The following ZFAT variants were observed in gnomAD, a reference collection of about 807,000 sequenced individuals.
ZFAT encodes the protein zinc finger protein ZFAT.
Under a neutral mutation model 117.7 loss-of-function variants are expected in ZFAT, and 64 were observed. The observed-to-expected ratio is 0.54, with a 90% CI of 0.44 to 0.67. The LOEUF is 0.67. ZFAT is among the 30% of genes least tolerant of loss of function. The pLI is 0.00. For missense variants in ZFAT, 1,433 were observed against 1,584.5 expected (o/e 0.90, Z 1.62); for synonymous variants, 679 against 615.0 (o/e 1.10, Z -1.54).
rs1349819680 is a variant in ZFAT at position 134,652,966 on chromosome 8, T to C, written c.196+4595A>G. 2.6e-5 allele frequency among the ~76,000 whole-genome samples: 4 copies of C among 152,246 alleles called. No homozygotes were observed. In the East Asian group the frequency reaches 7.7e-4, roughly 29 times the overall value. On this transcript the variant is annotated intron_variant, in intron 2 of 15. Coordinates refer to ENST00000377838, the MANE Select transcript of ZFAT (RefSeq NM_020863.4). ...GTACAATGATATTCATGACAACATT[T>C]ATTGTAACATTATTTATAATAGCAC...
chr8:134,755,312 C>T, the ZFAT span, among the ~76,000 whole-genome samples: 13 of 148,674 alleles, frequency 8.7e-5, 1 homozygote, highest in East Asian at 1.2e-3. Flanking sequence ...ACTTGGGAGG[C>T]TGAGGCAGGA....
intron 1 of ZFAT, among the ~76,000 whole-genome samples, chr8:134,662,542 G>T (rs1489335405): frequency 6.6e-6 from 1 of 152,156 alleles, no homozygotes; most frequent in Non-Finnish European, 1.5e-5. Flanking sequence ...CTGAGATCAA[G>T]GCAGGGATAT....
At chr8:134,597,520 G>T (rs958827477) in intron 7 of ZFAT, 1 of 152,114 alleles carries the variant, frequency 6.6e-6, no homozygotes, top group Non-Finnish European at 1.5e-5. Flanking sequence ...CTTCCTCCCA[G>T]GCCCTTTCCA....
chr8:134,551,911 T>C (rs548272363), intron 11 of ZFAT, among the ~76,000 whole-genome samples: 36 of 152,258 alleles, frequency 2.4e-4, no homozygotes, highest in Non-Finnish European at 4.6e-4. Context: ...GAGGTTACAC[T>C]AATTCCCTTT....
the ZFAT span, among the ~76,000 whole-genome samples, chr8:134,831,728 CCT>C: frequency 6.6e-6 from 1 of 152,052 alleles, no homozygotes; most frequent in East Asian, 1.9e-4. Context: ...CGCCCCATAC[CCT>C]GTCGCCGCGG....
In ZFAT at chr8:134,624,510, A is replaced by G. The variant is rs543273771; in HGVS notation, c.448+12951T>C. ...GCTTCTACCAAAAATACAAAAAATT[A>G]GCCGGGCATGGGGGCGCACACCTAT... On this transcript the variant is annotated intron_variant, in intron 3 of 15. Transcript: ENST00000377838. Among the ~76,000 whole-genome samples, 18 of 152,122 alleles carry G rather than the reference A, an allele frequency of 1.2e-4. 1 individual carries two copies. The highest frequency in any genetic ancestry group is 4.3e-4 in the African/African-American group (18 of 41,462).
intron 5 of ZFAT, among the ~76,000 whole-genome samples, chr8:134,606,084 A>G (rs1827869847): frequency 6.6e-6 from 1 of 152,216 alleles, no homozygotes; most frequent in South Asian, 2.1e-4. Context: ...GCATCCAGGA[A>G]AAGGAAGCGG....
chr8:134,548,325 G>A (rs1405529561), intron 11 of ZFAT, among the ~76,000 whole-genome samples: 1 of 152,206 alleles, frequency 6.6e-6, no homozygotes, highest in Non-Finnish European at 1.5e-5. Flanking sequence ...CCTGAAGGAG[G>A]TGAGAGAAGC....
At chr8:134,680,559 G>T (rs948660884) in intron 1 of ZFAT, among the ~76,000 whole-genome samples, 1 of 152,110 alleles carries the variant, frequency 6.6e-6, no homozygotes, top group African/African-American at 2.4e-5. Flanking sequence ...CAGATCAAAT[G>T]GCAACAAACA....
chr8:134,489,888 T>C (rs923641541), intron 15 of ZFAT, among the ~76,000 whole-genome samples: 1 of 152,062 alleles, frequency 6.6e-6, no homozygotes, highest in Non-Finnish European at 1.5e-5. Context: ...CTCCCTCCTG[T>C]CCTCTTCTCG....
intron 2 of ZFAT, among the ~76,000 whole-genome samples, chr8:134,640,506 C>A (rs1364547664): frequency 1.3e-5 from 2 of 152,198 alleles, no homozygotes; most frequent in African/African-American, 4.8e-5. Context: ...TGAGTCTCCA[C>A]TCCCCCAGAC....
chr8:134,788,064 C>T, the ZFAT span, among the ~76,000 whole-genome samples: 1 of 152,104 alleles, frequency 6.6e-6, no homozygotes, highest in African/African-American at 2.4e-5. Flanking sequence ...ACGTTATTGG[C>T]TAATATCTCA....
intron 1 of ZFAT, among the ~76,000 whole-genome samples, chr8:134,675,744 C>G (rs892630255): frequency 1.6e-4 from 24 of 152,194 alleles, no homozygotes; most frequent in Admixed American, 1.6e-3. Context: ...CAGCGGATCT[C>G]TCGGCAGAAA....
At chr8:134,613,378 T>C (rs1828482562) in intron 3 of ZFAT, among the ~76,000 whole-genome samples, 1 of 152,160 alleles carries the variant, frequency 6.6e-6, no homozygotes, top group African/African-American at 2.4e-5. Flanking sequence ...GGACTCTGCT[T>C]TAGGCATTGT....
chr8:134,522,476 T>C (rs1820736460), intron 12 of ZFAT, among the ~76,000 whole-genome samples: 1 of 152,244 alleles, frequency 6.6e-6, no homozygotes. Context: ...ACTTTCACTA[T>C]CATTATTCTT....
chr8:134,563,568 T>C (rs111332050), intron 11 of ZFAT, among the ~76,000 whole-genome samples: 9,149 of 152,256 alleles, frequency 0.06, 937 homozygotes, highest in African/African-American at 0.21. Context: ...AAGTGCTGAA[T>C]GCAGGTGAGT....
chr8:134,586,881 T>C (rs1440161479), intron 9 of ZFAT, among the ~76,000 whole-genome samples: 1 of 152,180 alleles, frequency 6.6e-6, no homozygotes, highest in African/African-American at 2.4e-5. Flanking sequence ...TGGGGCAAAT[T>C]ACTTCACCTC....
Position 134,478,320 on chromosome 8 carries a change from G to T in ZFAT, c.*162C>A. On this transcript the variant is annotated 3_prime_UTR_variant, in exon 16 of 16. Transcript: ENST00000377838. The surrounding 1 kb of genome is among the most constrained non-coding windows in gnomAD (Gnocchi z 5.2). The stretch of plus-strand genomic sequence containing the variant: ...TATTGCTGGTGATGCTGACTGCCTT[G>T]CCCACCCCAAGTTGGACTAGGAGAG... 9.6e-7 allele frequency: 1 copy of T among 1,041,626 alleles called. No individual in the cohort carries two copies. Among genetic ancestry groups the T allele is most frequent in the Non-Finnish European group, 1.4e-6 (1 of 737,960 alleles). The allele number at this position is 1,041,626 out of a possible 1,614,324, so 64.5% of individuals were successfully genotyped here. A position where few individuals can be genotyped will look rare whatever the true frequency, so the allele number is the denominator to read the frequency against.
the ZFAT span, among the ~76,000 whole-genome samples, chr8:134,763,206 C>G: frequency 2.6e-5 from 4 of 152,176 alleles, no homozygotes; most frequent in Admixed American, 6.5e-5. Flanking sequence ...TGTCAATTCT[C>G]TTTCAAAATT....
Sources: allele counts gnomAD v4.1 joint callset (sites outside exome capture counted in the v4.1 genomes callset), GRCh38; gene constraint gnomAD v4.1.1; non-coding constraint Gnocchi (gnomAD v3.1); transcripts MANE v1.5; gene names NCBI Gene and HGNC (gene_info 2026-07-23, HGNC 2026-07-21).